ZC3H14: variants seen among roughly 807,000 people sequenced by gnomAD.
ZC3H14 encodes the protein zinc finger CCCH domain-containing protein 14.
A neutral mutation model predicts 92.4 loss-of-function variants in ZC3H14; 31 were observed. The ratio of observed to expected loss-of-function variants is 0.34; its 90% CI spans 0.25 to 0.45. ZC3H14 has a LOEUF of 0.45. Ranked by LOEUF, ZC3H14 falls within the 20% of genes least tolerant of loss-of-function variation. The pLI is 1.00. For missense variants in ZC3H14, 781 were observed against 897.3 expected, an observed-to-expected ratio of 0.87 and a Z score of 1.66; for synonymous variants, 321 against 300.9, an observed-to-expected ratio of 1.07 and a Z score of -0.69.
chr14:88,576,180 G>A (rs1272453757), intron 8 of ZC3H14, among the ~76,000 whole-genome samples: 3 of 152,188 alleles, frequency 2.0e-5, no homozygotes, highest in East Asian at 3.9e-4. Flanking sequence ...TCTTTCCAAT[G>A]TGTGTAAAAT....
At chr14:88,582,635 A>G (rs1283489592) in intron 9 of ZC3H14, among the ~76,000 whole-genome samples, 3 of 152,206 alleles carry the variant, frequency 2.0e-5, no homozygotes, top group African/African-American at 7.2e-5. Context: ...GATGGTAGTC[A>G]GAAGGGTGTT....
intron 9 of ZC3H14, 103 bp downstream of exon 9, chr14:88,578,243 A>G (rs1271985847): frequency 1.0e-5 from 15 of 1,437,422 alleles, no homozygotes; most frequent in Non-Finnish European, 1.4e-5. Flanking sequence ...GAAAAAAGTG[A>G]TGATTAAGCC....
chr14:88,573,948 G>C (rs960924493), intron 6 of ZC3H14, among the ~76,000 whole-genome samples: 3 of 152,082 alleles, frequency 2.0e-5, no homozygotes, highest in African/African-American at 7.2e-5. Context: ...TTTATCTGCT[G>C]TTTCTCATGC....
chr14:88,616,135 T>TA lies in ZC3H14; in HGVS notation c.*4385dup. The TA allele has an allele frequency of 6.2e-7, 1 of 1,613,620 alleles. No individual in the cohort carries two copies. The highest frequency in any genetic ancestry group is 8.5e-7 in the Non-Finnish European group (1 of 1,179,584). On this transcript the variant is annotated 3_prime_UTR_variant, in exon 17 of 17. Coordinates refer to ENST00000251038, the MANE Select transcript of ZC3H14 (RefSeq NM_024824.5). ...TCTGCTCTTCATGGGCTGAGAAAGT[T>TA]ACTAACCTGCAGTCATCACCTCCAG...
chr14:88,570,091 AT>A (rs2080200894), intron 3 of ZC3H14, among the ~76,000 whole-genome samples: 2 of 152,242 alleles, frequency 1.3e-5, no homozygotes, highest in African/African-American at 4.8e-5. Flanking sequence ...AGACTACCAA[AT>A]GAATTTAAAA....
chr14:88,609,690 G>A (rs548529727), intron 14 of ZC3H14, 22 bp from the exon 15 acceptor site: 2 of 1,613,682 alleles, frequency 1.2e-6, no homozygotes, highest in Admixed American at 1.7e-5. Flanking sequence ...TTGGAGATCA[G>A]TCCTGGTTTT....
intron 3 of ZC3H14, among the ~76,000 whole-genome samples, chr14:88,568,371 C>T (rs1380292705): frequency 6.6e-6 from 1 of 152,210 alleles, no homozygotes. Flanking sequence ...TTAATTGACT[C>T]AGAGTTCCAC....
intron 9 of ZC3H14, among the ~76,000 whole-genome samples, chr14:88,593,031 C>T (rs982568392): frequency 1.3e-5 from 2 of 149,324 alleles, no homozygotes; most frequent in Non-Finnish European, 3.0e-5. Context: ...TGCAGTGGCA[C>T]GATCTCTGCT....
At chr14:88,600,318 C>G (rs909576431) in intron 10 of ZC3H14, among the ~76,000 whole-genome samples, 2 of 152,208 alleles carry the variant, frequency 1.3e-5, no homozygotes, top group Admixed American at 6.5e-5. Flanking sequence ...TCATTCAGAG[C>G]CTCACCCTCT....
chr14:88,563,340 G>A (rs1296205676), intron 1 of ZC3H14, 171 bp downstream of exon 1: 1 of 1,484,428 alleles, frequency 6.7e-7, no homozygotes, highest in Non-Finnish European at 8.9e-7. Context: ...GGGGACATTT[G>A]CGGCCTCGGA....
In ZC3H14 at chr14:88,620,580, T is replaced by C. The variant is rs1042061720; in HGVS notation, c.*8829T>C. ...AGTTGGTGCCCAGTGGGTTTATAAT[T>C]TAGCAAGAAGAATTAAGTAGTATAC... On this transcript the variant is annotated 3_prime_UTR_variant, in exon 17 of 17. Transcript: ENST00000251038. The surrounding 1 kb of genome is among the most constrained non-coding windows in gnomAD (Gnocchi z 4.3). The C allele has an allele frequency of 2.0e-6, 1 of 509,882 alleles. No individual in the cohort carries two copies. Among genetic ancestry groups the C allele is most frequent in the Admixed American group, 3.9e-5 (1 of 25,442 alleles). 31.6% of individuals were successfully genotyped at this position (509,882 alleles called of 1,614,324 possible).
In ZC3H14 at chr14:88,571,970, A is replaced by T. The variant is rs537129891; in HGVS notation, c.236-60A>T. ...AGAGCGAGACTCCATCTCAAAAATA[A>T]ATAAATAAATAAAAATAAGAAATAA... On this transcript the variant is annotated intron_variant, in intron 4 of 16. Transcript: ENST00000251038. 2.3e-6 allele frequency: 3 copies of T among 1,327,890 alleles called. No homozygotes were observed. The African/African-American group carries it at 4.6e-5, about 20-fold the overall frequency. The allele number at this position is 1,327,890 out of a possible 1,614,324, so 82.3% of individuals were successfully genotyped here. A position where few individuals can be genotyped will look rare whatever the true frequency, so the allele number is the denominator to read the frequency against.
In ZC3H14 at chr14:88,611,787, G is replaced by A. The variant is rs1415695857; in HGVS notation, c.*36G>A. ...TGCCTGGCAGAAGATCATGCAGTTTGGAAGTTTTCATGTACTGATGAAAGA... is the reference window on the plus strand; with the variant it reads ...TGCCTGGCAGAAGATCATGCAGTTTAGAAGTTTTCATGTACTGATGAAAGA... On this transcript the variant is annotated 3_prime_UTR_variant, in exon 17 of 17. Transcript: ENST00000251038. The A allele has an allele frequency of 6.2e-7, 1 of 1,613,792 alleles. No homozygotes were observed. Among genetic ancestry groups the A allele is most frequent in the Non-Finnish European group, 8.5e-7 (1 of 1,179,840 alleles).
chr14:88,620,658 T>C lies in ZC3H14; in HGVS notation c.*8907T>C. On this transcript the variant is annotated 3_prime_UTR_variant, in exon 17 of 17. Transcript: ENST00000251038. The surrounding 1 kb of genome is among the most constrained non-coding windows in gnomAD (Gnocchi z 4.3). ...ATAATACGGGAAATGCTACAGGCCC[T>C]GGGGACCTCTTTTTGAAGGCAAGGC... 1 of 1,024,186 alleles carries C rather than the reference T, an allele frequency of 9.8e-7. No homozygotes were observed. The highest frequency in any genetic ancestry group is 3.2e-4 in the Middle Eastern group (1 of 3,096). The allele number at this position is 1,024,186 out of a possible 1,614,324, so 63.4% of individuals were successfully genotyped here. A position where few individuals can be genotyped will look rare whatever the true frequency, so the allele number is the denominator to read the frequency against.
chr14:88,572,427 G>T, intron 5 of ZC3H14, 151 bp from the exon 6 acceptor site: 1 of 1,126,636 alleles, frequency 8.9e-7, no homozygotes, highest in Middle Eastern at 2.4e-4. Context: ...AAAGTTGAAA[G>T]AAAGTGCAAT....
chr14:88,607,940 A>AT (rs200742245), intron 13 of ZC3H14, among the ~76,000 whole-genome samples: 228 of 17,444 alleles, frequency 0.013, 4 homozygotes, highest in Non-Finnish European at 0.018. Flanking sequence ...ACCATCCCCC[A>AT]TCTCACCCTG....
chr14:88,620,890 G>C lies in ZC3H14; in HGVS notation c.*9139G>C. 6.5e-7 allele frequency: 1 copy of C among 1,534,188 alleles called. No individual in the cohort carries two copies. Among genetic ancestry groups the C allele is most frequent in the Non-Finnish European group, 8.7e-7 (1 of 1,146,858 alleles). On this transcript the variant is annotated 3_prime_UTR_variant, in exon 17 of 17. Coordinates refer to ENST00000251038, the MANE Select transcript of ZC3H14 (RefSeq NM_024824.5). The surrounding 1 kb of genome is among the most constrained non-coding windows in gnomAD (Gnocchi z 4.3). The stretch of plus-strand genomic sequence containing the variant: ...CCTTCAGGGCTGTAACACACAGTAC[G>C]AGCAGCATGTCCCAAATTCACTTTG...
chr14:88,606,585 C>T (rs962240223), intron 12 of ZC3H14, among the ~76,000 whole-genome samples: 7 of 151,746 alleles, frequency 4.6e-5, no homozygotes, highest in African/African-American at 1.7e-4. Context: ...GCCTGGGCAA[C>T]GTGGGGAAAC....
In ZC3H14 at chr14:88,626,136, A is replaced by T. The variant is rs1281867828; in HGVS notation, c.*14385A>T. The T allele has an allele frequency of 1.3e-5, 2 of 152,240 alleles. No individual in the cohort carries two copies. 9.4% of individuals were successfully genotyped at this position (152,240 alleles called of 1,614,324 possible). ...ATAAGCAGTGTGTTAAATGATAAAA[A>T]GCAAAGGAAATCCTAAACCCTAGTA... On this transcript the variant is annotated 3_prime_UTR_variant, in exon 17 of 17. Transcript: ENST00000251038.
Sources: allele counts gnomAD v4.1 joint callset (sites outside exome capture counted in the v4.1 genomes callset), GRCh38; gene constraint gnomAD v4.1.1; non-coding constraint Gnocchi (gnomAD v3.1); transcripts MANE v1.5; gene names NCBI Gene and HGNC (gene_info 2026-07-23, HGNC 2026-07-21).